The following ESR1 variants were observed in gnomAD, a reference collection of about 807,000 sequenced individuals.
ESR1 encodes the protein estrogen receptor.
Under a neutral mutation model 52.7 loss-of-function variants are expected in ESR1, and 12 were observed. The ratio of observed to expected loss-of-function variants is 0.23; its 90% CI spans 0.15 to 0.37. The LOEUF is 0.37. Ranked by LOEUF, ESR1 falls within the 10% of genes least tolerant of loss-of-function variation. The pLI is 1.00. For missense variants in ESR1, 584 were observed against 779.7 expected (o/e 0.75, Z 2.99); for synonymous variants, 305 against 316.8 (o/e 0.96, Z 0.39).
At chr6:152,087,315 C>T (rs566520347) in intron 6 of ESR1, among the ~76,000 whole-genome samples, 1 of 152,140 alleles carries the variant, frequency 6.6e-6, no homozygotes, top group South Asian at 2.1e-4. Context: ...AGGAAATGGC[C>T]ACAAAAGGAG....
At chr6:151,657,223 A>C (rs1777485536) in intron 1 of ESR1, among the ~76,000 whole-genome samples, 1 of 152,180 alleles carries the variant, frequency 6.6e-6, no homozygotes, top group Non-Finnish European at 1.5e-5. Flanking sequence ...TGGGAATTTA[A>C]AGTTTTAAAA....
chr6:152,008,775 A>G (rs567516165), intron 4 of ESR1, among the ~76,000 whole-genome samples: 23 of 152,222 alleles, frequency 1.5e-4, no homozygotes, highest in African/African-American at 5.1e-4. Context: ...GAGAAGAGAG[A>G]CAAAGCCTCC....
chr6:152,042,630 C>G (rs2045902508), intron 5 of ESR1, among the ~76,000 whole-genome samples: 2 of 152,144 alleles, frequency 1.3e-5, no homozygotes. Context: ...TAAACTGGTT[C>G]AAGTCTGCAA....
intron 1 of ESR1, among the ~76,000 whole-genome samples, chr6:151,679,592 C>T (rs375428385): frequency 2.6e-5 from 4 of 152,278 alleles, no homozygotes; most frequent in East Asian, 1.9e-4. Context: ...CGACCTCAGG[C>T]GATCTGCCTG....
intron 2 of ESR1, among the ~76,000 whole-genome samples, chr6:151,789,857 T>C (rs887686171): frequency 6.6e-6 from 1 of 152,172 alleles, no homozygotes; most frequent in African/African-American, 2.4e-5. Context: ...TATTTGTCTT[T>C]GTGCATCTTA....
chr6:152,093,233 C>T (rs1029209491), intron 6 of ESR1, among the ~76,000 whole-genome samples: 1 of 151,670 alleles, frequency 6.6e-6, no homozygotes, highest in Middle Eastern at 3.2e-3. Context: ...TTGAGATGTG[C>T]CACTGCACTC....
chr6:151,875,961 T>C (rs1322565569), intron 2 of ESR1, among the ~76,000 whole-genome samples: 1 of 152,140 alleles, frequency 6.6e-6, no homozygotes, highest in African/African-American at 2.4e-5. Flanking sequence ...GAAAAATCAC[T>C]GTGGCCACCC....
At chr6:151,996,130 C>A (rs996253357) in intron 4 of ESR1, among the ~76,000 whole-genome samples, 1 of 152,142 alleles carries the variant, frequency 6.6e-6, no homozygotes, top group African/African-American at 2.4e-5. Context: ...ATAAACAGTG[C>A]ATTTTTTCCC....
intron 1 of ESR1, among the ~76,000 whole-genome samples, chr6:151,696,661 T>C (rs1779374543): frequency 6.6e-6 from 1 of 152,154 alleles, no homozygotes; most frequent in South Asian, 2.1e-4. Context: ...AGACAATCTC[T>C]ATCAGGTGTG....
At chr6:151,773,889 T>C (rs1323925652) in intron 2 of ESR1, among the ~76,000 whole-genome samples, 1 of 152,202 alleles carries the variant, frequency 6.6e-6, no homozygotes, top group Non-Finnish European at 1.5e-5. Context: ...GAATTTCTCT[T>C]TGAATTGTTA....
chr6:152,105,984 G>A (rs1267959568), downstream of ESR1, among the ~76,000 whole-genome samples: 6 of 148,742 alleles, frequency 4.0e-5, no homozygotes, highest in African/African-American at 1.5e-4. Context: ...TAGTAGAGAC[G>A]GGGTTTCACC....
At chr6:151,867,287 C>A (rs1790088026) in intron 2 of ESR1, among the ~76,000 whole-genome samples, 1 of 152,014 alleles carries the variant, frequency 6.6e-6, no homozygotes, top group Admixed American at 6.6e-5. Context: ...AACTAAAGAA[C>A]AACTGCACAG....
At chr6:151,768,888 G>C (rs1785276228) in intron 2 of ESR1, among the ~76,000 whole-genome samples, 1 of 152,154 alleles carries the variant, frequency 6.6e-6, no homozygotes, top group African/African-American at 2.4e-5. Context: ...GTGTTTTCCT[G>C]CTGGTCAAAG....
At chr6:151,933,137 T>C (rs2033901653) in intron 3 of ESR1, among the ~76,000 whole-genome samples, 1 of 152,022 alleles carries the variant, frequency 6.6e-6, no homozygotes, top group African/African-American at 2.4e-5. Context: ...CATTGAGCAG[T>C]GGTTTGTAGT....
At chr6:151,717,525 T>A (rs77128840) in intron 2 of ESR1, among the ~76,000 whole-genome samples, 2,592 of 152,326 alleles carry the variant, frequency 0.017, 26 homozygotes, top group Non-Finnish European at 0.027. Flanking sequence ...TTAGATCTTG[T>A]GTTAGGTTTT....
intron 2 of ESR1, among the ~76,000 whole-genome samples, chr6:151,739,435 G>A (rs1782915129): frequency 6.6e-6 from 1 of 152,128 alleles, no homozygotes; most frequent in Non-Finnish European, 1.5e-5. Flanking sequence ...TATCTTCTAT[G>A]TGGATGGCTT....
chr6:152,022,438 G>A (rs1428962251), intron 5 of ESR1, among the ~76,000 whole-genome samples: 1 of 152,140 alleles, frequency 6.6e-6, no homozygotes, highest in Non-Finnish European at 1.5e-5. Context: ...GCTCAGAAGA[G>A]ACATCAGAGC....
chr6:152,011,112 C>T (rs372536162), intron 4 of ESR1, among the ~76,000 whole-genome samples: 1 of 152,076 alleles, frequency 6.6e-6, no homozygotes, highest in African/African-American at 2.4e-5. Flanking sequence ...CCATCTGACT[C>T]ATTATCCCAA....
chr6:151,706,173 T>C (rs1265263191), intron 2 of ESR1, among the ~76,000 whole-genome samples: 2 of 152,232 alleles, frequency 1.3e-5, no homozygotes, highest in Non-Finnish European at 2.9e-5. Context: ...TACATTTTCT[T>C]CCTATTGCGA....
Sources: allele counts gnomAD v4.1 joint callset (sites outside exome capture counted in the v4.1 genomes callset), GRCh38; gene constraint gnomAD v4.1.1; transcripts MANE v1.5; gene names NCBI Gene and HGNC (gene_info 2026-07-23, HGNC 2026-07-21).